SGCG: variants seen among roughly 807,000 people sequenced by gnomAD.
The protein encoded by SGCG is gamma-sarcoglycan.
A neutral mutation model predicts 29.3 loss-of-function variants in SGCG; 26 were observed. That is an observed-to-expected ratio of 0.89 (90% confidence interval 0.65 to 1.23). The LOEUF (loss-of-function observed/expected upper bound fraction) is 1.23. SGCG is among the 50% of genes most tolerant of loss of function. The probability of loss-of-function intolerance (pLI) is 0.00; values close to 1 mark genes in which losing one functional copy is unlikely to be tolerated. For missense variants in SGCG, 353 were observed against 356.0 expected (o/e 0.99, Z 0.07); for synonymous variants, 145 against 129.7 (o/e 1.12, Z -0.80).
intron 5 of SGCG, among the ~76,000 whole-genome samples, chr13:23,288,080 G>C (rs1246704539): frequency 6.6e-6 from 1 of 152,108 alleles, no homozygotes; most frequent in African/African-American, 2.4e-5. Flanking sequence ...AAGCTTTAAT[G>C]CTTCCACACA....
At chr13:23,262,893 G>A (rs183028232) in intron 4 of SGCG, among the ~76,000 whole-genome samples, 1 of 152,110 alleles carries the variant, frequency 6.6e-6, no homozygotes, top group East Asian at 1.9e-4. Flanking sequence ...TACAGAATCT[G>A]CTCCTGAATG....
chr13:23,297,502 G>A (rs1043605482), intron 6 of SGCG, among the ~76,000 whole-genome samples: 2 of 152,214 alleles, frequency 1.3e-5, no homozygotes, highest in Non-Finnish European at 2.9e-5. Flanking sequence ...CAAAGGGATA[G>A]GCTGAAATAA....
intron 2 of SGCG, among the ~76,000 whole-genome samples, chr13:23,212,680 T>C (rs1878271610): frequency 6.6e-6 from 1 of 152,072 alleles, no homozygotes; most frequent in Admixed American, 6.5e-5. Context: ...GGGCATGATA[T>C]GAGGGAGTGA....
chr13:23,268,350 T>G (rs1245089978), intron 4 of SGCG: 1 of 152,240 alleles, frequency 6.6e-6, no homozygotes, highest in Non-Finnish European at 1.5e-5. Flanking sequence ...CCCCCAGTTT[T>G]GGCCCAGTGA....
At chr13:23,220,945 G>C (rs1161987664) in intron 2 of SGCG, among the ~76,000 whole-genome samples, 1 of 152,112 alleles carries the variant, frequency 6.6e-6, no homozygotes, top group African/African-American at 2.4e-5. Flanking sequence ...GCATATATGA[G>C]CAACCAGGAT....
chr13:23,205,914 C>T (rs1218681323), intron 2 of SGCG, among the ~76,000 whole-genome samples: 1 of 152,090 alleles, frequency 6.6e-6, no homozygotes, highest in Non-Finnish European at 1.5e-5. Flanking sequence ...AGGCAAGATA[C>T]CCAAAGTCAC....
At chr13:23,290,643 G>A (rs1375061477) in intron 5 of SGCG, among the ~76,000 whole-genome samples, 2 of 152,188 alleles carry the variant, frequency 1.3e-5, no homozygotes, top group Non-Finnish European at 2.9e-5. Context: ...ACATTAAGCG[G>A]AAGTTTGGCT....
At chr13:23,299,408 A>ATG (rs35074931) in intron 6 of SGCG, among the ~76,000 whole-genome samples, 443 of 13,864 alleles carry the variant, frequency 0.032, 5 homozygotes, top group East Asian at 0.25. Context: ...CTTAGTTGGC[A>ATG]TATATATATA....
chr13:23,162,967 T>G, the SGCG span, among the ~76,000 whole-genome samples: 1 of 152,226 alleles, frequency 6.6e-6, no homozygotes, highest in Non-Finnish European at 1.5e-5. Flanking sequence ...AAGATAAAGA[T>G]AATTTTATTT....
chr13:23,206,210 A>T (rs1877974863), intron 2 of SGCG, among the ~76,000 whole-genome samples: 1 of 152,250 alleles, frequency 6.6e-6, no homozygotes, highest in African/African-American at 2.4e-5. Flanking sequence ...AACAGATTTT[A>T]ATTGTACAAT....
rs571931422 is a variant in SGCG at position 23,303,004 on chromosome 13, C to A, written c.578+7517C>A. Reference sequence around the variant, plus strand: ...GGCGACAATTCATTAGGTCTTTCTTCAATTTTTGTTGAAAGTAAAGAATTA... The same window carrying A: ...GGCGACAATTCATTAGGTCTTTCTTAAATTTTTGTTGAAAGTAAAGAATTA... On this transcript the variant is annotated intron_variant, in intron 6 of 7. Transcript: ENST00000218867. 3.3e-5 allele frequency among the ~76,000 whole-genome samples: 5 copies of A among 152,296 alleles called. No individual in the cohort carries two copies. In the East Asian group the frequency reaches 9.6e-4, roughly 29 times the overall value.
chr13:23,160,854 CCTT>C, the SGCG span, among the ~76,000 whole-genome samples: 3 of 152,180 alleles, frequency 2.0e-5, no homozygotes, highest in African/African-American at 7.2e-5. Context: ...TCCCCTGCCC[CCTT>C]GTGGGGGCTC....
chr13:23,308,471 A>G (rs1464370950), intron 6 of SGCG, among the ~76,000 whole-genome samples: 1 of 152,118 alleles, frequency 6.6e-6, no homozygotes, highest in Non-Finnish European at 1.5e-5. Flanking sequence ...GTATCTCCCT[A>G]ATAGCTGTAC....
At chr13:23,314,729 G>A (rs35580486) in intron 6 of SGCG, among the ~76,000 whole-genome samples, 28,920 of 151,922 alleles carry the variant, frequency 0.19, 3,339 homozygotes, top group Non-Finnish European at 0.25. Flanking sequence ...CTAAAATTCA[G>A]GGACCTTCTA....
At chr13:23,189,196 G>A (rs1877137759) in intron 1 of SGCG, among the ~76,000 whole-genome samples, 1 of 152,150 alleles carries the variant, frequency 6.6e-6, no homozygotes, top group African/African-American at 2.4e-5. Flanking sequence ...TGACCGTTTG[G>A]TGGTTCCAAA....
At chr13:23,191,443 T>C (rs1335536196) in intron 1 of SGCG, among the ~76,000 whole-genome samples, 1 of 152,208 alleles carries the variant, frequency 6.6e-6, no homozygotes, top group Non-Finnish European at 1.5e-5. Context: ...CATGGACCAC[T>C]GCTTGGCCCA....
At chr13:23,176,168 A>C (rs1210321396), upstream of SGCG, among the ~76,000 whole-genome samples, 1 of 152,128 alleles carries the variant, frequency 6.6e-6, no homozygotes, top group Admixed American at 6.5e-5. Flanking sequence ...TACTTCCTAT[A>C]ATGTCAGCCA....
chr13:23,279,061 A>T (rs988850751), intron 4 of SGCG, among the ~76,000 whole-genome samples: 2 of 152,234 alleles, frequency 1.3e-5, no homozygotes, highest in Non-Finnish European at 2.9e-5. Flanking sequence ...ATGAATAGGA[A>T]AACTATATTA....
chr13:23,200,425 AAAACAAAC>A (rs773108641), intron 1 of SGCG, among the ~76,000 whole-genome samples: 1 of 152,098 alleles, frequency 6.6e-6, no homozygotes, highest in African/African-American at 2.4e-5. Flanking sequence ...TCTGTTTCAA[AAAACAAAC>A]AAACAAACAA....
Sources: gnomAD v4.1 joint callset for allele counts (sites outside exome capture counted in the v4.1 genomes callset) on GRCh38, gnomAD v4.1.1 for gene constraint, MANE v1.5 for transcripts, NCBI Gene and HGNC (gene_info 2026-07-23, HGNC 2026-07-21) for gene names.